Variants in RC3H1 observed in about 807,000 individuals in gnomAD.
The protein encoded by RC3H1 is roquin-1.
RC3H1 carries 50 observed loss-of-function variants against 138.2 expected under a neutral mutation model. The observed-to-expected ratio is 0.36, with a 90% CI of 0.29 to 0.46. The LOEUF is 0.46. Among genes scored for constraint, RC3H1 ranks in the 20% least tolerant of loss-of-function variants. The probability of loss-of-function intolerance (pLI) is 1.00; values close to 1 mark genes in which losing one functional copy is unlikely to be tolerated. For missense variants in RC3H1, 1,031 were observed against 1,388.1 expected, an observed-to-expected ratio of 0.74 and a Z score of 4.09; for synonymous variants, 462 against 489.1, an observed-to-expected ratio of 0.94 and a Z score of 0.73.
intron 7 of RC3H1, among the ~76,000 whole-genome samples, chr1:173,973,460 C>T (rs575769931): frequency 1.3e-5 from 2 of 150,068 alleles, no homozygotes; most frequent in African/African-American, 2.5e-5. Context: ...CGCTTGAACC[C>T]GGGAGGCGGA....
At chr1:173,975,457 T>C (rs140274721) in intron 7 of RC3H1, among the ~76,000 whole-genome samples, 1 of 152,208 alleles carries the variant, frequency 6.6e-6, no homozygotes, top group East Asian at 1.9e-4. Context: ...TTTCAAATTC[T>C]AAAAGACTAT....
chr1:174,006,545 C>G (rs115646469), intron 1 of RC3H1, among the ~76,000 whole-genome samples: 4,652 of 152,206 alleles, frequency 0.031, 76 homozygotes, highest in Middle Eastern at 0.054. Context: ...GTATTTTTTC[C>G]ACTATAACAC....
chr1:174,007,362 C>G (rs981921375), intron 1 of RC3H1, among the ~76,000 whole-genome samples: 7 of 151,762 alleles, frequency 4.6e-5, no homozygotes, highest in African/African-American at 1.7e-4. Context: ...TGCACTCCAG[C>G]CTGGGCGACA....
chr1:174,015,644 C>T (rs1358948874), intron 1 of RC3H1, among the ~76,000 whole-genome samples: 4 of 150,796 alleles, frequency 2.7e-5, no homozygotes, highest in African/African-American at 7.3e-5. Context: ...GGATTACAGG[C>T]GTGAGCCACT....
In RC3H1 at chr1:173,938,820, T is replaced by A; in HGVS notation, c.3303A>T (p.Ser1101=). 7 of 1,613,728 alleles carry A rather than the reference T, an allele frequency of 4.3e-6. No homozygotes were observed. The highest frequency in any genetic ancestry group is 5.9e-6 in the Non-Finnish European group (7 of 1,179,680). Residue 1101 remains serine (S), a synonymous_variant, in exon 20 of 20, where the codon TCA becomes TCT. Coordinates refer to ENST00000367696, the MANE Select transcript of RC3H1 (RefSeq NM_172071.4). ...ACAGGTTCAGAGAGCTGGTCTTGTT[T>A]GATAGGAGGCTGATATTCTCTTGTG... ...ALTQENISLL[S]NKTSSLNLSE... is the part of the protein sequence containing the mutation.
intron 11 of RC3H1, among the ~76,000 whole-genome samples, chr1:173,962,819 T>A (rs1432405366): frequency 1.3e-5 from 2 of 152,186 alleles, no homozygotes; most frequent in Admixed American, 6.5e-5. Flanking sequence ...AAGAGTTGCA[T>A]TTTTTCCTAT....
chr1:173,950,675 G>C (rs191842490), intron 14 of RC3H1, among the ~76,000 whole-genome samples: 3 of 151,990 alleles, frequency 2.0e-5, no homozygotes, highest in Admixed American at 6.6e-5. Flanking sequence ...TGAGACTTGG[G>C]GGATTTATAC....
chr1:173,993,862 A>G (rs1159476013), intron 1 of RC3H1, among the ~76,000 whole-genome samples: 1 of 150,878 alleles, frequency 6.6e-6, no homozygotes, highest in African/African-American at 2.4e-5. Flanking sequence ...TCCACTAAAA[A>G]TACAAAAATT....
chr1:174,007,464 T>TTGC (rs1324573665), intron 1 of RC3H1, among the ~76,000 whole-genome samples: 1 of 152,100 alleles, frequency 6.6e-6, no homozygotes, highest in Non-Finnish European at 1.5e-5. Context: ...ATGCAATGTT[T>TTGC]TGTTGTTGTT....
Position 173,951,114 on chromosome 1 carries a change from C to T in RC3H1, c.2523+872G>A, listed in dbSNP as rs553355462. 2.0e-5 allele frequency among the ~76,000 whole-genome samples: 3 copies of T among 152,158 alleles called. No individual in the cohort carries two copies. In the East Asian group the frequency reaches 5.8e-4, roughly 29 times the overall value. On this transcript the variant is annotated intron_variant, in intron 14 of 19. Coordinates refer to ENST00000367696, the MANE Select transcript of RC3H1 (RefSeq NM_172071.4). ...CCGAGGCGGGTGGATCACTTGAGGT[C>T]GGGAGTTCAAGACCAGCCTGACCAA...
In RC3H1 at chr1:173,961,167, T is replaced by A; in HGVS notation, c.2280A>T (p.Glu760Asp). Residue 760 changes from glutamate (E) to aspartate (D), a missense_variant, in exon 13 of 20, where the codon GAA (glutamate) becomes GAT (aspartate). Glu to Asp is a conservative substitution (Grantham distance 45). Around this residue, in one of 7 missense-constraint regions of RC3H1, gnomAD observed 716 missense variants for 837.9 expected, o/e 0.85. Coordinates refer to ENST00000367696, the MANE Select transcript of RC3H1 (RefSeq NM_172071.4). ...TTCTTTCCTCTAGCTGGGCCATTATTTCCTTTCGTCGGCGATGTAGTTCAT... is the reference window on the plus strand; with the variant it reads ...TTCTTTCCTCTAGCTGGGCCATTATATCCTTTCGTCGGCGATGTAGTTCAT... Reference protein sequence around the residue: ...SLDELHRRRKEIMAQLEERKV... With the variant: ...SLDELHRRRKDIMAQLEERKV... 1 of 1,614,146 alleles carries A rather than the reference T, an allele frequency of 6.2e-7. No homozygotes were observed. Among genetic ancestry groups the A allele is most frequent in the East Asian group, 2.2e-5 (1 of 44,884 alleles).
intron 6 of RC3H1, 101 bp from the exon 7 acceptor site, chr1:173,978,721 T>C: frequency 8.0e-7 from 1 of 1,256,076 alleles, no homozygotes; most frequent in East Asian, 2.6e-5. Context: ...TAAATTTAAT[T>C]TTTATCTTCC....
At chr1:173,991,494 C>A (rs900460867) in intron 2 of RC3H1, among the ~76,000 whole-genome samples, 9 of 152,280 alleles carry the variant, frequency 5.9e-5, no homozygotes, top group African/African-American at 1.9e-4. Flanking sequence ...GCTAGAAGGT[C>A]CTGTATGATG....
intron 1 of RC3H1, among the ~76,000 whole-genome samples, chr1:173,997,293 G>A (rs2103057179): frequency 6.6e-6 from 1 of 152,224 alleles, no homozygotes; most frequent in South Asian, 2.1e-4. Flanking sequence ...ATGTAATCAT[G>A]AATTACTTAT....
intron 13 of RC3H1, among the ~76,000 whole-genome samples, chr1:173,952,402 T>TTAAA (rs1659453069): frequency 2.1e-5 from 1 of 47,206 alleles, no homozygotes; most frequent in East Asian, 5.8e-4. Context: ...TAGCAGAAGG[T>TTAAA]AAAAAAAAAA....
At chr1:173,986,911 T>G (rs1400652598) in intron 2 of RC3H1, among the ~76,000 whole-genome samples, 1 of 152,162 alleles carries the variant, frequency 6.6e-6, no homozygotes, top group Admixed American at 6.5e-5. Context: ...TTCTCAGACT[T>G]TCCTTGTTTT....
intron 1 of RC3H1, chr1:174,009,117 G>C (rs1460925467): frequency 2.0e-5 from 3 of 152,170 alleles, no homozygotes; most frequent in Non-Finnish European, 4.4e-5. Flanking sequence ...ATCTTTCAGG[G>C]ATTAAATTCA....
At chr1:174,008,062 T>C (rs2103085486) in intron 1 of RC3H1, among the ~76,000 whole-genome samples, 1 of 152,346 alleles carries the variant, frequency 6.6e-6, no homozygotes, top group East Asian at 1.9e-4. Flanking sequence ...CTATTTCTTT[T>C]TCCCTATGAT....
rs1438535368 is a variant in RC3H1 at position 173,980,897 on chromosome 1, G to A, written c.881C>T (p.Ala294Val). 3.1e-6 allele frequency: 5 copies of A among 1,614,082 alleles called. No homozygotes were observed. The highest frequency in any genetic ancestry group is 4.2e-6 in the Non-Finnish European group (5 of 1,179,944). Residue 294 changes from alanine to valine, a missense_variant, in exon 6 of 20, where the codon GCA becomes GTA. Physicochemically the swap from Ala to Val is moderately conservative, Grantham distance 64. Transcript: ENST00000367696. ...DSQIVQIAME[A>V]GLRIAPDQWS... Reference sequence around the variant, plus strand: ...CTGGTCCGGTGCAATTCGTAAGCCTGCTTCCATAGCAATCTGCACTATCTG... The same window carrying A: ...CTGGTCCGGTGCAATTCGTAAGCCTACTTCCATAGCAATCTGCACTATCTG...
Sources: allele counts gnomAD v4.1 joint callset (sites outside exome capture counted in the v4.1 genomes callset), GRCh38; gene constraint gnomAD v4.1.1; regional missense constraint gnomAD v4.1.1; transcripts MANE v1.5; gene names NCBI Gene and HGNC (gene_info 2026-07-23, HGNC 2026-07-21).